The following GRSF1 variants were observed in gnomAD, a reference collection of about 807,000 sequenced individuals.
GRSF1 encodes G-rich RNA sequence binding factor 1.
Under a neutral mutation model 51.1 loss-of-function variants are expected in GRSF1, and 50 were observed. The ratio of observed to expected loss-of-function variants is 0.98; its 90% confidence interval spans 0.78 to 1.24. GRSF1 has a LOEUF of 1.24. Ranked by LOEUF, GRSF1 falls within the 50% of genes most tolerant of loss-of-function variation. GRSF1 has a pLI of 0.00. For missense variants in GRSF1, 700 were observed against 639.7 expected (o/e 1.09, Z -1.02); for synonymous variants, 293 against 253.3 (o/e 1.16, Z -1.49).
Position 70,834,845 on chromosome 4 carries a change from G to A in GRSF1, c.514+1313C>T, listed in dbSNP as rs996054426. 3.3e-5 allele frequency among the ~76,000 whole-genome samples: 5 copies of A among 151,916 alleles called. No individual in the cohort carries two copies. The East Asian group carries it at 9.8e-4, about 30-fold the overall frequency. Reference sequence around the variant, plus strand: ...TCAACATGTTAGCCAGGATGGTCTCGATCTCCTGACCTCGTGATCCGCCCG... The same window carrying A: ...TCAACATGTTAGCCAGGATGGTCTCAATCTCCTGACCTCGTGATCCGCCCG... On this transcript the variant is annotated intron_variant, in intron 2 of 9. Transcript: ENST00000254799.
rs574736509 is a variant in GRSF1 at position 70,819,571 on chromosome 4, G to C, written c.*1316C>G. 8.5e-5 allele frequency: 13 copies of C among 152,426 alleles called. No homozygotes were observed. Among genetic ancestry groups the C allele is most frequent in the Non-Finnish European group, 1.9e-4 (13 of 68,044 alleles). 9.4% of individuals were successfully genotyped at this position (152,426 alleles called of 1,614,324 possible). A position where few individuals can be genotyped will look rare whatever the true frequency, so the allele number is the denominator to read the frequency against. On this transcript the variant is annotated 3_prime_UTR_variant, in exon 10 of 10. Transcript: ENST00000254799. Reference sequence around the variant, plus strand: ...GTCTTCATTTATTGACTACAGTACAGTGATTTCGCATCTTAGCTGGTAATC... The same window carrying C: ...GTCTTCATTTATTGACTACAGTACACTGATTTCGCATCTTAGCTGGTAATC...
At chr4:70,821,984 T>C (rs1466024750) in intron 9 of GRSF1, among the ~76,000 whole-genome samples, 1 of 152,012 alleles carries the variant, frequency 6.6e-6, no homozygotes, top group African/African-American at 2.4e-5. Context: ...CCCCATGTGT[T>C]TTCAAGAAAT....
rs772973971 is a variant in GRSF1, at chr4:70,833,173, A to C, written c.615T>G (p.Asp205Glu). 3.1e-6 allele frequency: 5 copies of C among 1,613,948 alleles called. No homozygotes were observed. Among genetic ancestry groups the C allele is most frequent in the Non-Finnish European group, 4.2e-6 (5 of 1,179,852 alleles). Reference sequence around the variant, plus strand: ...GGTGCTTCTCTAAGGCTTTCTGCACATCCTGCTCTGACTCCATTTCAATTA... The same window carrying C: ...GGTGCTTCTCTAAGGCTTTCTGCACCTCCTGCTCTGACTCCATTTCAATTA... ...DALIEMESEQDVQKALEKHRM... is the reference protein window; with the variant it reads ...DALIEMESEQEVQKALEKHRM... Residue 205 changes from aspartate (D) to glutamate (E), a missense_variant, in exon 3 of 10, where the codon GAT becomes GAG. Transcript: ENST00000254799.
At chr4:70,837,578 A>AAC (rs1199769265) in intron 1 of GRSF1, among the ~76,000 whole-genome samples, 1 of 150,454 alleles carries the variant, frequency 6.6e-6, no homozygotes, top group South Asian at 2.1e-4. Context: ...AAAAAAAAAA[A>AAC]AAAAGACTTG....
intron 3 of GRSF1, 57 bp from the exon 4 acceptor site, chr4:70,832,507 AT>A: frequency 9.6e-7 from 1 of 1,036,572 alleles, no homozygotes; most frequent in Non-Finnish European, 1.4e-6. Flanking sequence ...GAACAAACCC[AT>A]TAAAAAAAAT....
chr4:70,842,696 G>A (rs901157882), upstream of GRSF1, among the ~76,000 whole-genome samples: 1 of 152,050 alleles, frequency 6.6e-6, no homozygotes, highest in African/African-American at 2.4e-5. Context: ...CTGATGTATT[G>A]GAGACTCTGC....
intron 9 of GRSF1, among the ~76,000 whole-genome samples, chr4:70,823,322 G>A (rs1054258564): frequency 9.2e-5 from 14 of 151,868 alleles, no homozygotes; most frequent in African/African-American, 3.1e-4. Context: ...TCTTGAACCC[G>A]GGAGGTGGAA....
Position 70,839,677 on chromosome 4 carries a change from G to A in GRSF1, c.151C>T (p.Leu51=), listed in dbSNP as rs541773852. Residue 51 remains leucine, a synonymous_variant, in exon 1 of 10, where the codon CTG becomes TTG. Coordinates refer to ENST00000254799, the MANE Select transcript of GRSF1 (RefSeq NM_002092.4). ...SGVSGRRRLL[L]LLGAAAAAAS... is the part of the protein sequence containing the mutation. ...GCGGCCGCGGCGGCCCCGAGCAGCA[G>A]CAGCAGGCGGCGGCGGCCCGAGACG... 1.4e-6 allele frequency: 2 copies of A among 1,439,594 alleles called. No individual in the cohort carries two copies. The highest frequency in any genetic ancestry group is 1.4e-5 in the South Asian group (1 of 70,978). The allele number at this position is 1,439,594 out of a possible 1,614,324, so 89.2% of individuals were successfully genotyped here.
rs750885794 is a variant in GRSF1 at position 70,833,143 on chromosome 4, C to T, written c.645G>A (p.Met215Ile). The change falls in exon 3 of 10, where the codon ATG becomes ATA. Residue 215 changes from methionine to isoleucine, a missense_variant. Coordinates refer to ENST00000254799, the MANE Select transcript of GRSF1 (RefSeq NM_002092.4). Reference sequence around the variant, plus strand: ...CTTCCACATACCGCTGGCCCATGTACATGCGGTGCTTCTCTAAGGCTTTCT... The same window carrying T: ...CTTCCACATACCGCTGGCCCATGTATATGCGGTGCTTCTCTAAGGCTTTCT... ...DVQKALEKHR[M>I]YMGQRYVEVY... 1.4e-5 allele frequency: 23 copies of T among 1,613,982 alleles called. No individual in the cohort carries two copies. Among genetic ancestry groups the T allele is most frequent in the Non-Finnish European group, 1.9e-5 (22 of 1,179,868 alleles).
Position 70,826,132 on chromosome 4 carries a change from T to A in GRSF1, c.1249A>T (p.Ile417Phe). ...GLPFQANAQD[I>F]INFFAPLKPV... ...ATCTTACTGCCACACACGTTTATAA[T>A]GTCTTGGGCATTGGCTTGGAAAGGT... Residue 417 changes from isoleucine to phenylalanine, a missense_variant, in exon 7 of 10, where the codon ATT (isoleucine) becomes TTT (phenylalanine). Transcript: ENST00000254799. 1 of 1,610,454 alleles carries A rather than the reference T, an allele frequency of 6.2e-7. No homozygotes were observed. The highest frequency in any genetic ancestry group is 8.5e-7 in the Non-Finnish European group (1 of 1,178,074).
chr4:70,838,167 C>G (rs1374562500), intron 1 of GRSF1, among the ~76,000 whole-genome samples: 1 of 133,038 alleles, frequency 7.5e-6, no homozygotes, highest in African/African-American at 2.8e-5. Flanking sequence ...TGCAGTGAGC[C>G]GAGATCATTC....
Position 70,833,213 on chromosome 4 carries a change from C to T in GRSF1, c.575G>A (p.Arg192Gln), listed in dbSNP as rs768186525. ...CATTTCAATTAAGGCATCACCCCTT[C>T]GTTTCCCATCTCTGTTTAGGAGAAA... Reference protein sequence around the residue: ...IHFLLNRDGKRRGDALIEMES... With the variant: ...IHFLLNRDGKQRGDALIEMES... Residue 192 changes from arginine (R) to glutamine (Q), a missense_variant, in exon 3 of 10, where the codon CGA becomes CAA. Coordinates refer to ENST00000254799, the MANE Select transcript of GRSF1 (RefSeq NM_002092.4). 17 of 1,613,916 alleles carry T rather than the reference C, an allele frequency of 1.1e-5. No individual in the cohort carries two copies. Among genetic ancestry groups the T allele is most frequent in the Non-Finnish European group, 1.4e-5 (16 of 1,179,788 alleles).
intron 1 of GRSF1, chr4:70,838,991 C>A (rs1273288116): frequency 6.6e-6 from 3 of 451,594 alleles, no homozygotes; most frequent in Non-Finnish European, 1.1e-5. Flanking sequence ...CCAGCCCACG[C>A]AACTGTGTGC....
chr4:70,820,969 T>C (rs952489006), intron 9 of GRSF1, 108 bp from the exon 10 acceptor site: 12 of 152,308 alleles, frequency 7.9e-5, no homozygotes, highest in African/African-American at 2.9e-4. Context: ...CTTTCTAATT[T>C]AGTGCAAGCT....
At chr4:70,837,015 G>A (rs1361849912) in intron 1 of GRSF1, among the ~76,000 whole-genome samples, 1 of 152,138 alleles carries the variant, frequency 6.6e-6, no homozygotes, top group African/African-American at 2.4e-5. Flanking sequence ...CCTTCACTTG[G>A]TAGGCAAAGA....
chr4:70,824,984 C>T (rs141387832), intron 8 of GRSF1, among the ~76,000 whole-genome samples: 1,565 of 152,178 alleles, frequency 0.01, 26 homozygotes, highest in African/African-American at 0.036. Flanking sequence ...CACCTGTAAT[C>T]CCAGCTACTC....
intron 8 of GRSF1, among the ~76,000 whole-genome samples, chr4:70,824,594 G>A (rs1035831213): frequency 4.6e-5 from 7 of 152,062 alleles, no homozygotes; most frequent in African/African-American, 1.7e-4. Flanking sequence ...AGCCAGCCTG[G>A]CCAATGTAGC....
At position 70,839,753 on chromosome 4, in the gene GRSF1, G is replaced by T; in HGVS notation, c.75C>A (p.Thr25=). Residue 25 remains threonine (T), a synonymous_variant, in exon 1 of 10, where the codon ACC becomes ACA. Coordinates refer to ENST00000254799, the MANE Select transcript of GRSF1 (RefSeq NM_002092.4). ...AGTAGAAGGGCAGGCAGGCGGCGCC[G>T]GTGCGCCGGCAGCTGCTGCAGTTAC... is the stretch of plus-strand genomic sequence containing the variant. ...CGCNCSSCRR[T]GAACLPFYSA... 6.6e-7 allele frequency: 1 copy of T among 1,503,844 alleles called. No individual in the cohort carries two copies. Among genetic ancestry groups the T allele is most frequent in the Non-Finnish European group, 8.8e-7 (1 of 1,133,736 alleles). 93.2% of individuals were successfully genotyped at this position (1,503,844 alleles called of 1,614,324 possible).
At position 70,816,766 on chromosome 4, in the gene GRSF1, C is replaced by T. The variant is rs1388108901; in HGVS notation, c.*4121G>A. ...AAAACAAATTCCCATGACATGTATG[C>T]TGAAAGGATTAAAAGTGAAAAATGT... On this transcript the variant is annotated 3_prime_UTR_variant, in exon 10 of 10. Transcript: ENST00000254799. The T allele has an allele frequency of 6.6e-6, 1 of 151,996 alleles. No individual in the cohort carries two copies. The highest frequency in any genetic ancestry group is 1.5e-5 in the Non-Finnish European group (1 of 68,002). The allele number at this position is 151,996 out of a possible 1,614,324, so 9.4% of individuals were successfully genotyped here. A position where few individuals can be genotyped will look rare whatever the true frequency, so the allele number is the denominator to read the frequency against.
Sources: allele counts gnomAD v4.1 joint callset (sites outside exome capture counted in the v4.1 genomes callset), GRCh38; gene constraint gnomAD v4.1.1; transcripts MANE v1.5; gene names NCBI Gene and HGNC (gene_info 2026-07-23, HGNC 2026-07-21).